Variants in DDX23 observed in about 807,000 individuals in gnomAD.
DDX23 encodes the protein probable ATP-dependent RNA helicase DDX23.
Under a neutral mutation model 102.7 loss-of-function variants are expected in DDX23, and 33 were observed. That is an observed-to-expected ratio of 0.32 (90% CI 0.24 to 0.43). The LOEUF (loss-of-function observed/expected upper bound fraction) is 0.43, where lower values mean the gene tolerates loss of function less well. Among genes scored for constraint, DDX23 ranks in the 20% least tolerant of loss-of-function variants. The pLI is 1.00. For missense variants in DDX23, 549 were observed against 1,086.6 expected, an observed-to-expected ratio of 0.51 and a Z score of 6.96; for synonymous variants, 352 against 376.0, an observed-to-expected ratio of 0.94 and a Z score of 0.74.
chr12:48,834,932 C>CA (rs200701257), intron 11 of DDX23, among the ~76,000 whole-genome samples: 7 of 148,380 alleles, frequency 4.7e-5, no homozygotes, highest in Admixed American at 4.7e-4. Flanking sequence ...ACTCTGTCTC[C>CA]AAAAAAAATA....
rs368134002 is a variant in DDX23 at position 48,837,082 on chromosome 12, G to A, written c.867-45C>T. ...AAAGAAAAAAGAAGGAGCTGTTAACGGCAGTAGGAAGGAAGGGCAGACTAC... is the reference window on the plus strand; with the variant it reads ...AAAGAAAAAAGAAGGAGCTGTTAACAGCAGTAGGAAGGAAGGGCAGACTAC... On this transcript the variant is annotated intron_variant, in intron 8 of 16. Coordinates refer to ENST00000308025, the MANE Select transcript of DDX23 (RefSeq NM_004818.3). 1.5e-5 allele frequency: 24 copies of A among 1,611,042 alleles called. No individual in the cohort carries two copies. The East Asian group carries it at 1.8e-4, about 12-fold the overall frequency.
At chr12:48,844,372 G>A (rs1054384303) in intron 2 of DDX23, among the ~76,000 whole-genome samples, 9 of 151,558 alleles carry the variant, frequency 5.9e-5, no homozygotes, top group African/African-American at 2.2e-4. Context: ...TCTGCCTCCC[G>A]AGTTCAAGGA....
chr12:48,838,840 G>C (rs915109612), intron 5 of DDX23, among the ~76,000 whole-genome samples: 1 of 152,064 alleles, frequency 6.6e-6, no homozygotes, highest in Non-Finnish European at 1.5e-5. Flanking sequence ...GCAACGGGGC[G>C]AGACTCCATC....
rs753870611 is a variant in DDX23, at chr12:48,831,124, G to A, written c.2239+18C>T. On this transcript the variant is annotated intron_variant, in intron 16 of 16. Coordinates refer to ENST00000308025, the MANE Select transcript of DDX23 (RefSeq NM_004818.3). ...TCTGACTTCACCCTGGATTGAAGCT[G>A]CTTTCCCTGGAACTTACCTTCAATA... 1.2e-6 allele frequency: 2 copies of A among 1,613,634 alleles called. No homozygotes were observed. The highest frequency in any genetic ancestry group is 2.2e-5 in the East Asian group (1 of 44,878).
At chr12:48,837,877 GAC>G in intron 6 of DDX23, 63 bp downstream of exon 6, 2 of 1,605,810 alleles carry the variant, frequency 1.2e-6, no homozygotes, top group African/African-American at 1.3e-5. Flanking sequence ...TCTCCTAAGA[GAC>G]ACTGTATCTC....
At position 48,836,416 on chromosome 12, in the gene DDX23, T is replaced by C; in HGVS notation, c.1237-150A>G. The stretch of plus-strand genomic sequence containing the variant: ...GGACCCCAAGAAGAAACCTAATCAC[T>C]AAAAGCCAACACTTCTACCAGAAAG... On this transcript the variant is annotated intron_variant, in intron 10 of 16. Coordinates refer to ENST00000308025, the MANE Select transcript of DDX23 (RefSeq NM_004818.3). This position sits in a 1 kb window ranked among gnomAD's most constrained non-coding sequence, Gnocchi z 6.1. 2 of 1,249,692 alleles carry C rather than the reference T, an allele frequency of 1.6e-6. No homozygotes were observed. The highest frequency in any genetic ancestry group is 2.3e-5 in the East Asian group (1 of 42,772). 77.4% of individuals were successfully genotyped at this position (1,249,692 alleles called of 1,614,324 possible).
chr12:48,838,069 G>C lies in DDX23; in HGVS notation c.492C>G (p.Leu164=). 3 of 1,614,208 alleles carry C rather than the reference G, an allele frequency of 1.9e-6. No individual in the cohort carries two copies. The highest frequency in any genetic ancestry group is 2.5e-6 in the Non-Finnish European group (3 of 1,180,040). ...EEEAEAKPKF[L]SKAEREAEAL... ...CTTCAGCCTCTCGTTCTGCTTTAGAGAGGAACTTGGGCTACAAAAGAGATT... is the reference window on the plus strand; with the variant it reads ...CTTCAGCCTCTCGTTCTGCTTTAGACAGGAACTTGGGCTACAAAAGAGATT... The change falls in exon 6 of 17, where the codon CTC becomes CTG. Residue 164 remains leucine, a synonymous_variant. Transcript: ENST00000308025.
rs930053856 is a variant in DDX23, at chr12:48,829,886, G to A, written c.*583C>T. On this transcript the variant is annotated 3_prime_UTR_variant, in exon 17 of 17. Transcript: ENST00000308025. ...TTCACCGTGTCCCCCCATCTACTTA[G>A]AAAATCCCCTGGGGGAGGGGATGCC... 2 of 258,268 alleles carry A rather than the reference G, an allele frequency of 7.7e-6. No homozygotes were observed. The highest frequency in any genetic ancestry group is 4.4e-5 in the African/African-American group (2 of 45,202). The allele number at this position is 258,268 out of a possible 1,614,324, so 16.0% of individuals were successfully genotyped here. A position where few individuals can be genotyped will look rare whatever the true frequency, so the allele number is the denominator to read the frequency against.
intron 3 of DDX23, among the ~76,000 whole-genome samples, chr12:48,841,491 T>C (rs1007334768): frequency 3.3e-5 from 5 of 152,060 alleles, no homozygotes; most frequent in East Asian, 1.9e-4. Context: ...TCTCTTTCCA[T>C]GGTCTCCCTC....
Position 48,836,103 on chromosome 12 carries a change from G to A in DDX23, c.1382+18C>T. On this transcript the variant is annotated intron_variant, in intron 11 of 16. Transcript: ENST00000308025. This position sits in a 1 kb window ranked among gnomAD's most constrained non-coding sequence, Gnocchi z 6.1. The stretch of plus-strand genomic sequence containing the variant: ...CTACCCAGACAAACCCACTCCAGCT[G>A]GTGCTAGCTGACCTCACCTGTCAAT... The A allele has an allele frequency of 1.2e-6, 2 of 1,610,712 alleles. No individual in the cohort carries two copies. Among genetic ancestry groups the A allele is most frequent in the East Asian group, 2.2e-5 (1 of 44,820 alleles).
In DDX23 at chr12:48,845,796, G is replaced by A. The variant is rs746113481; in HGVS notation, c.1-14C>T. ...CTCTCCTGCCATCTGTAATGAGTAG[G>A]AAGAGTACTTACAATGTACTAGGCA... is the stretch of plus-strand genomic sequence containing the variant. On this transcript the variant is annotated splice_polypyrimidine_tract_variant and intron_variant, in intron 1 of 16. Coordinates refer to ENST00000308025, the MANE Select transcript of DDX23 (RefSeq NM_004818.3). 2 of 1,613,202 alleles carry A rather than the reference G, an allele frequency of 1.2e-6. No individual in the cohort carries two copies. Among genetic ancestry groups the A allele is most frequent in the Admixed American group, 3.3e-5 (2 of 59,906 alleles).
In DDX23 at chr12:48,836,521, T is replaced by C. The variant is rs868533672; in HGVS notation, c.1236+48A>G. 1.9e-6 allele frequency: 3 copies of C among 1,564,626 alleles called. No individual in the cohort carries two copies. Among genetic ancestry groups the C allele is most frequent in the Middle Eastern group, 2.3e-4 (1 of 4,412 alleles). On this transcript the variant is annotated intron_variant, in intron 10 of 16. Coordinates refer to ENST00000308025, the MANE Select transcript of DDX23 (RefSeq NM_004818.3). This position sits in a 1 kb window ranked among gnomAD's most constrained non-coding sequence, Gnocchi z 6.1. The stretch of plus-strand genomic sequence containing the variant: ...GGAACAAAGTTCTCTATTCCCAAAC[T>C]AGTGTAGGAACATGTCAGATCTCTT...
In DDX23 at chr12:48,845,785, G is replaced by C. The variant is rs781201977; in HGVS notation, c.1-3C>G. The C allele has an allele frequency of 1.9e-6, 3 of 1,613,678 alleles. No homozygotes were observed. In the East Asian group the frequency reaches 6.7e-5, roughly 36 times the overall value. ...TTGTCAGCCAGCTCTCCTGCCATCT[G>C]TAATGAGTAGGAAGAGTACTTACAA... On this transcript the variant is annotated splice_region_variant and splice_polypyrimidine_tract_variant and intron_variant, in intron 1 of 16. Coordinates refer to ENST00000308025, the MANE Select transcript of DDX23 (RefSeq NM_004818.3).
intron 1 of DDX23, among the ~76,000 whole-genome samples, chr12:48,851,791 C>T (rs1938764023): frequency 6.6e-6 from 1 of 152,242 alleles, no homozygotes; most frequent in South Asian, 2.1e-4. Flanking sequence ...GCACCAAAGG[C>T]TACTTTAAGC....
At chr12:48,835,875 A>G (rs1293614549) in intron 11 of DDX23, among the ~76,000 whole-genome samples, 1 of 152,206 alleles carries the variant, frequency 6.6e-6, no homozygotes, top group South Asian at 2.1e-4. Context: ...TGGGTGACAG[A>G]GTGAGACTCT....
At chr12:48,846,729 T>C (rs1444733525) in intron 1 of DDX23, among the ~76,000 whole-genome samples, 1 of 152,212 alleles carries the variant, frequency 6.6e-6, no homozygotes, top group East Asian at 1.9e-4. Flanking sequence ...TACCCAAAAC[T>C]AGAGGTTGCA....
In DDX23 at chr12:48,843,979, T is replaced by G; in HGVS notation, c.281A>C (p.Lys94Thr). 6.2e-7 allele frequency: 1 copy of G among 1,614,162 alleles called. No individual in the cohort carries two copies. Among genetic ancestry groups the G allele is most frequent in the Non-Finnish European group, 8.5e-7 (1 of 1,180,024 alleles). ...DRNKKDRDRD[K>T]DGHRRDKDRK... ...GTCCTTGTCCCGTCTGTGCCCATCC[T>G]TGTCTCGATCTCGGTCCTTCTTATT... The change falls in exon 3 of 17, where the codon AAG becomes ACG. Residue 94 changes from lysine (K) to threonine (T), a missense_variant. Lys to Thr is a moderately conservative substitution (Grantham distance 78). Coordinates refer to ENST00000308025, the MANE Select transcript of DDX23 (RefSeq NM_004818.3).
intron 1 of DDX23, among the ~76,000 whole-genome samples, chr12:48,846,492 A>C (rs990889712): frequency 2.0e-5 from 3 of 152,220 alleles, no homozygotes; most frequent in African/African-American, 4.8e-5. Flanking sequence ...GCTCATAAAG[A>C]AAGCTCAATG....
chr12:48,848,570 G>T (rs2137498154), intron 1 of DDX23, among the ~76,000 whole-genome samples: 1 of 138,384 alleles, frequency 7.2e-6, no homozygotes, highest in South Asian at 2.4e-4. Context: ...AGCTTAGCAT[G>T]TTTGTCAGGT....
Sources: gnomAD v4.1 joint callset for allele counts (sites outside exome capture counted in the v4.1 genomes callset) on GRCh38, gnomAD v4.1.1 for gene constraint, Gnocchi (gnomAD v3.1) non-coding constraint, MANE v1.5 for transcripts, NCBI Gene and HGNC (gene_info 2026-07-23, HGNC 2026-07-21) for gene names.